Variants in ASMTL observed in about 807,000 individuals in gnomAD.
ASMTL encodes probable bifunctional dTTP/UTP pyrophosphatase/methyltransferase protein.
A neutral mutation model predicts 60.3 loss-of-function variants in ASMTL; 57 were observed. The ratio of observed to expected loss-of-function variants is 0.95; its 90% CI spans 0.76 to 1.18. The LOEUF (loss-of-function observed/expected upper bound fraction) is 1.18. Among genes scored for constraint, ASMTL ranks in the 50% most tolerant of loss-of-function variants. The pLI is 0.00. For missense variants in ASMTL, 981 were observed against 852.6 expected, an observed-to-expected ratio of 1.15 and a Z score of -1.88; for synonymous variants, 419 against 373.0, an observed-to-expected ratio of 1.12 and a Z score of -1.42.
At chrX:1,420,265 ATC>A (rs1305184688) in intron 9 of ASMTL, among the ~76,000 whole-genome samples, 6 of 142,200 alleles carry the variant, frequency 4.2e-5, no homozygotes, top group East Asian at 4.3e-4. Context: ...GTCTCACTCT[ATC>A]TCTGTCTCTG....
intron 9 of ASMTL, among the ~76,000 whole-genome samples, chrX:1,420,217 T>C (rs1360095842): frequency 6.6e-6 from 1 of 151,644 alleles, no homozygotes; most frequent in Admixed American, 6.6e-5. Context: ...TCTCCATCTC[T>C]CTCCCTATCT....
At chrX:1,428,652 A>AATAC (rs2090682240) in intron 6 of ASMTL, among the ~76,000 whole-genome samples, 1 of 150,510 alleles carries the variant, frequency 6.6e-6, no homozygotes. Flanking sequence ...GTCTCAAATA[A>AATAC]ATAAATAAAT....
chrX:1,433,245 G>A (rs2090858347), intron 5 of ASMTL, among the ~76,000 whole-genome samples: 1 of 152,080 alleles, frequency 6.6e-6, no homozygotes, highest in Non-Finnish European at 1.5e-5. Context: ...ATCCGCAGGG[G>A]ACCTTATGTT....
chrX:1,428,088 C>G lies in ASMTL; in HGVS notation c.543G>C (p.Leu181=), dbSNP rs1348426314. Residue 181 remains leucine (L), a synonymous_variant, in exon 7 of 13, where the codon CTG becomes CTC. Transcript: ENST00000381317. ...GTACGGACTCCACCAGCATGCCGCC[C>G]AGGGCCTGGATCCCGTAGCCGCCAG... ...DKAGGYGIQA[L]GGMLVESVHG... is the part of the protein sequence containing the mutation. 1 of 1,610,532 alleles carries G rather than the reference C, an allele frequency of 6.2e-7. No individual in the cohort carries two copies. Among genetic ancestry groups the G allele is most frequent in the Non-Finnish European group, 8.5e-7 (1 of 1,177,274 alleles).
rs868149733 is a variant in ASMTL, at chrX:1,443,426, A to G, written c.94-1109T>C. ...ACACACGCCGCCATCTTGGACACAC[A>G]CCGCCATCTTGGACAGACACCGCCA... On this transcript the variant is annotated intron_variant, in intron 1 of 12. Transcript: ENST00000381317. 3.4e-4 allele frequency among the ~76,000 whole-genome samples: 45 copies of G among 130,586 alleles called. 2 individuals carry two copies. Among genetic ancestry groups the G allele is most frequent in the African/African-American group, 1.3e-3 (37 of 28,802 alleles). 85.7% of individuals were successfully genotyped at this position (130,586 alleles called of 152,430 possible).
intron 9 of ASMTL, among the ~76,000 whole-genome samples, chrX:1,420,515 C>T (rs1197650845): frequency 1.2e-4 from 18 of 152,180 alleles, no homozygotes; most frequent in Admixed American, 9.2e-4. Context: ...GCCAGCGCTG[C>T]CAAGGAGGCA....
At chrX:1,404,229 GGGTA>G (rs1256634201) in intron 12 of ASMTL, among the ~76,000 whole-genome samples, 3 of 149,062 alleles carry the variant, frequency 2.0e-5, no homozygotes, top group African/African-American at 7.5e-5. Context: ...GGTAGATGAT[GGGTA>G]GGTAGGTAGA....
chrX:1,439,344 G>T, intron 2 of ASMTL, among the ~76,000 whole-genome samples, 200 bp from the exon 3 acceptor site: 1 of 152,220 alleles, frequency 6.6e-6, no homozygotes, highest in Non-Finnish European at 1.5e-5. Flanking sequence ...GCTGGAACGT[G>T]GGTGAGGCCG....
At position 1,429,146 on chromosome X, in the gene ASMTL, C is replaced by T. The variant is rs148722859; in HGVS notation, c.510-1025G>A. Among the ~76,000 whole-genome samples, 485 of 151,256 alleles carry T rather than the reference C, an allele frequency of 3.2e-3. 1 individual carries two copies. Among genetic ancestry groups the T allele is most frequent in the Middle Eastern group, 0.027 (8 of 294 alleles). On this transcript the variant is annotated intron_variant, in intron 6 of 12. Coordinates refer to ENST00000381317, the MANE Select transcript of ASMTL (RefSeq NM_004192.4). ...CTGACCTCAGGTGATGCGCCTGCCT[C>T]GGCCCCCCAAAGTGCTGGGATTACA...
intron 12 of ASMTL, among the ~76,000 whole-genome samples, chrX:1,405,085 T>A (rs1183359344): frequency 1.3e-4 from 20 of 150,340 alleles, no homozygotes; most frequent in Non-Finnish European, 3.0e-4. Context: ...GATGGATGCA[T>A]GGATGAGATG....
chrX:1,431,232 T>A (rs1375933410), intron 6 of ASMTL, among the ~76,000 whole-genome samples: 1 of 125,312 alleles, frequency 8.0e-6, no homozygotes, highest in Non-Finnish European at 1.6e-5. Flanking sequence ...AATTATAAAT[T>A]ATATTTATAT....
At chrX:1,447,608 A>ACACCGCCATCTTGGATAAG (rs2149348826) in intron 1 of ASMTL, among the ~76,000 whole-genome samples, 1 of 148,830 alleles carries the variant, frequency 6.7e-6, no homozygotes, top group Admixed American at 6.7e-5. Flanking sequence ...TCTTGGACAC[A>ACACCGCCATCTTGGATAAG]CACCGCCATC....
rs775914904 is a variant in ASMTL, at chrX:1,420,277, G to GTC, written c.1246-1165_1246-1164dup. Among the ~76,000 whole-genome samples, 31 of 144,052 alleles carry GTC rather than the reference G, an allele frequency of 2.2e-4. No homozygotes were observed. In the East Asian group the frequency reaches 6.4e-3, roughly 30 times the overall value. The allele number at this position is 144,052 out of a possible 152,430, so 94.5% of individuals were successfully genotyped here. A position where few individuals can be genotyped will look rare whatever the true frequency, so the allele number is the denominator to read the frequency against. On this transcript the variant is annotated intron_variant, in intron 9 of 12. Transcript: ENST00000381317. ...TCTGTCTCACTCTATCTCTGTCTCT[G>GTC]TCTTTCTGTCTCCCTGTTTCTGTCT...
chrX:1,407,703 G>C (rs2089917833), intron 12 of ASMTL, among the ~76,000 whole-genome samples: 1 of 151,852 alleles, frequency 6.6e-6, no homozygotes, highest in South Asian at 2.1e-4. Flanking sequence ...GAGCAACATA[G>C]TGAGACCCTG....
rs1386645321 is a variant in ASMTL at position 1,407,076 on chromosome X, GA to G, written c.1646-3588del. ...TGGATGGATGGATGCATGCATGGAT[GA>G]GATGGATGGGTGAACTGATGGTAGA... is the stretch of plus-strand genomic sequence containing the variant. On this transcript the variant is annotated intron_variant, in intron 12 of 12. Coordinates refer to ENST00000381317, the MANE Select transcript of ASMTL (RefSeq NM_004192.4). 5.7e-4 allele frequency among the ~76,000 whole-genome samples: 84 copies of G among 148,634 alleles called. 1 individual carries two copies. Among genetic ancestry groups the G allele is most frequent in the African/African-American group, 2.0e-3 (78 of 39,540 alleles).
In ASMTL at chrX:1,421,790, G is replaced by A. The variant is rs1180807879; in HGVS notation, c.1113C>T (p.Tyr371=). 1 of 1,613,878 alleles carries A rather than the reference G, an allele frequency of 6.2e-7. No homozygotes were observed. Among genetic ancestry groups the A allele is most frequent in the Non-Finnish European group, 8.5e-7 (1 of 1,179,846 alleles). Residue 371 remains tyrosine (Y), a synonymous_variant, in exon 9 of 13, where the codon TAC becomes TAT. Transcript: ENST00000381317. The part of the protein sequence containing the change: ...ANVYLASDGE[Y]SLHGFIMHNN... ...TGTGCATGATGAAGCCGTGCAGAGA[G>A]TATTCGCCATCCGATGCCAGGTAGA...
chrX:1,406,889 G>C lies in ASMTL; in HGVS notation c.1646-3400C>G, dbSNP rs1603450213. On this transcript the variant is annotated intron_variant, in intron 12 of 12. Coordinates refer to ENST00000381317, the MANE Select transcript of ASMTL (RefSeq NM_004192.4). ...GAACAGATGGATGGATGGGTGAATA[G>C]ATGGTAGATGATGGGTACATAGATA... Among the ~76,000 whole-genome samples, 3 of 151,498 alleles carry C rather than the reference G, an allele frequency of 2.0e-5. No individual in the cohort carries two copies. The South Asian group carries it at 6.3e-4, about 32-fold the overall frequency.
intron 12 of ASMTL, among the ~76,000 whole-genome samples, chrX:1,406,856 G>A (rs1481841170): frequency 3.3e-5 from 5 of 151,032 alleles, no homozygotes; most frequent in Non-Finnish European, 7.4e-5. Context: ...TGGATAGATG[G>A]GTGCATGGAA....
chrX:1,447,500 A>G (rs1405440101), intron 1 of ASMTL, among the ~76,000 whole-genome samples: 9 of 151,878 alleles, frequency 5.9e-5, no homozygotes, highest in African/African-American at 2.2e-4. Context: ...TCTTGGACAC[A>G]CACCGCCATC....
Sources: gnomAD v4.1 joint callset for allele counts (sites outside exome capture counted in the v4.1 genomes callset) on GRCh38, gnomAD v4.1.1 for gene constraint, MANE v1.5 for transcripts, NCBI Gene and HGNC (gene_info 2026-07-23, HGNC 2026-07-21) for gene names.